CCDC7: variants seen among roughly 807,000 people sequenced by gnomAD.
CCDC7 encodes the protein coiled-coil domain-containing protein 7.
In CCDC7, 183 loss-of-function variants were observed where a neutral mutation model predicts 196.9. That is an observed-to-expected ratio of 0.93 (90% CI 0.82 to 1.05). CCDC7 has a LOEUF of 1.05. Ranked by LOEUF, CCDC7 falls within the 50% of genes least tolerant of loss-of-function variation. The pLI, the probability that CCDC7 is intolerant of heterozygous loss-of-function variation, is 0.00. For missense variants in CCDC7, 1,540 were observed against 1,482.2 expected, an observed-to-expected ratio of 1.04 and a Z score of -0.64; for synonymous variants, 525 against 484.6, an observed-to-expected ratio of 1.08 and a Z score of -1.10.
chr10:32,554,025 C>G (rs1003395895), intron 13 of CCDC7, among the ~76,000 whole-genome samples: 1 of 152,104 alleles, frequency 6.6e-6, no homozygotes, highest in African/African-American at 2.4e-5. Flanking sequence ...GTGAGATTCC[C>G]AGGTCACTGG....
chr10:32,699,309 T>C (rs1039696739), intron 24 of CCDC7, among the ~76,000 whole-genome samples: 1 of 150,138 alleles, frequency 6.7e-6, no homozygotes, highest in African/African-American at 2.5e-5. Flanking sequence ...TGGTGTTTGG[T>C]TTTTTGTCCT....
intron 24 of CCDC7, among the ~76,000 whole-genome samples, chr10:32,704,979 G>A (rs371856067): frequency 5.3e-5 from 8 of 152,078 alleles, no homozygotes; most frequent in East Asian, 1.9e-4. Context: ...GCGATGCCTC[G>A]CCCTGCTTCG....
chr10:32,788,155 C>T (rs1270634571), intron 29 of CCDC7, among the ~76,000 whole-genome samples: 1 of 152,138 alleles, frequency 6.6e-6, no homozygotes, highest in African/African-American at 2.4e-5. Context: ...CAGAGCTTCA[C>T]ACCCCAGACC....
chr10:32,716,784 A>T (rs185812999), intron 25 of CCDC7, among the ~76,000 whole-genome samples: 17 of 152,328 alleles, frequency 1.1e-4, no homozygotes, highest in Non-Finnish European at 1.9e-4. Flanking sequence ...ACAAACAAAG[A>T]TCAAAAAAGA....
chr10:32,542,994 G>T lies in CCDC7; in HGVS notation c.994-306G>T, dbSNP rs3006744. Among the ~76,000 whole-genome samples, 21,000 of 152,020 alleles carry T rather than the reference G, an allele frequency of 0.14. 1,754 individuals carry two copies. The highest frequency in any genetic ancestry group is 0.25 in the East Asian group (1,304 of 5,170). ...ATACATCCTACAGGTTTTATTGCAT[G>T]TTTTTGCATAGTGAGGTGATTTTCA... On this transcript the variant is annotated intron_variant, in intron 11 of 41. Coordinates refer to ENST00000639629, the Ensembl canonical transcript of CCDC7.
intron 13 of CCDC7, among the ~76,000 whole-genome samples, chr10:32,561,642 T>G (rs1251370963): frequency 6.6e-6 from 1 of 152,118 alleles, no homozygotes; most frequent in African/African-American, 2.4e-5. Flanking sequence ...CTGGGACACA[T>G]TCAACGCAGT....
chr10:32,519,649 C>T (rs1365293678), intron 11 of CCDC7, among the ~76,000 whole-genome samples: 1 of 152,058 alleles, frequency 6.6e-6, no homozygotes, highest in African/African-American at 2.4e-5. Flanking sequence ...TATTTTGGTA[C>T]AGGCATACAA....
chr10:32,689,090 G>A, exon 23 of CCDC7: 1 of 1,607,400 alleles, frequency 6.2e-7, no homozygotes, highest in South Asian at 1.1e-5. Context: ...TTATACTTAG[G>A]CATCAAGACT....
chr10:32,701,262 G>T (rs566225497), intron 24 of CCDC7, among the ~76,000 whole-genome samples: 27 of 152,262 alleles, frequency 1.8e-4, no homozygotes, highest in Admixed American at 3.3e-4. Context: ...GTTTTTAGCA[G>T]GAAGGGCTGT....
chr10:32,479,918 T>G (rs527643853), intron 8 of CCDC7, among the ~76,000 whole-genome samples: 18 of 152,146 alleles, frequency 1.2e-4, no homozygotes, highest in Admixed American at 3.3e-4. Flanking sequence ...TTTCTGTTTC[T>G]TCATGATTTA....
chr10:32,556,913 G>A (rs1288227551), intron 13 of CCDC7, among the ~76,000 whole-genome samples: 1 of 152,126 alleles, frequency 6.6e-6, no homozygotes, highest in African/African-American at 2.4e-5. Context: ...AAGTTACTTA[G>A]TCCCATCCCA....
At chr10:32,450,287 A>G (rs1311963648), upstream of CCDC7, among the ~76,000 whole-genome samples, 1 of 152,162 alleles carries the variant, frequency 6.6e-6, no homozygotes, top group Non-Finnish European at 1.5e-5. Context: ...CTGTCGCTAT[A>G]TGGTCTTCTT....
At chr10:32,567,474 C>A (rs1386449126) in intron 14 of CCDC7, among the ~76,000 whole-genome samples, 196 bp from the exon 16 acceptor site, 3 of 152,058 alleles carry the variant, frequency 2.0e-5, no homozygotes, top group African/African-American at 7.2e-5. Flanking sequence ...GAAGAGGTTT[C>A]TTCACAACTT....
intron 16 of CCDC7, among the ~76,000 whole-genome samples, chr10:32,575,230 T>C (rs886665831): frequency 2.0e-5 from 3 of 152,176 alleles, no homozygotes; most frequent in Non-Finnish European, 2.9e-5. Flanking sequence ...TAAAATATTT[T>C]GTTTCTTTTC....
chr10:32,779,244 T>C (rs940573663), intron 29 of CCDC7, among the ~76,000 whole-genome samples, 160 bp downstream of exon 30: 8 of 152,248 alleles, frequency 5.3e-5, no homozygotes, highest in African/African-American at 1.7e-4. Context: ...ATTAAGTGTA[T>C]CTTTAAATTT....
At chr10:32,451,517 A>G, upstream of CCDC7, 1 of 1,341,236 alleles carries the variant, frequency 7.5e-7, no homozygotes, top group Non-Finnish European at 9.9e-7. Flanking sequence ...TAAAGCCATC[A>G]GAAAAAGAGA....
intron 28 of CCDC7, among the ~76,000 whole-genome samples, chr10:32,773,960 C>T (rs1323149802): frequency 1.3e-5 from 2 of 152,164 alleles, no homozygotes; most frequent in Non-Finnish European, 2.9e-5. Flanking sequence ...ATAGTGAGCC[C>T]TGTAACTTAA....
chr10:32,823,749 A>G (rs2090656799), intron 31 of CCDC7, among the ~76,000 whole-genome samples: 1 of 152,166 alleles, frequency 6.6e-6, no homozygotes. Context: ...TTTTTCCATC[A>G]TTATACCTAG....
intron 9 of CCDC7, among the ~76,000 whole-genome samples, chr10:32,516,644 A>G (rs1197632696): frequency 6.6e-6 from 1 of 152,176 alleles, no homozygotes; most frequent in Non-Finnish European, 1.5e-5. Flanking sequence ...TACACCCACT[A>G]GGATGGCTAT....
Sources: allele counts gnomAD v4.1 joint callset (sites outside exome capture counted in the v4.1 genomes callset), GRCh38; gene constraint gnomAD v4.1.1; transcripts MANE v1.5; gene names NCBI Gene and HGNC (gene_info 2026-07-23, HGNC 2026-07-21).